Variants in MCM10 observed in about 807,000 individuals in gnomAD.
MCM10 encodes the protein protein MCM10 homolog.
MCM10 carries 91 observed loss-of-function variants against 109.9 expected under a neutral mutation model. That is an observed-to-expected ratio of 0.83 (90% CI 0.70 to 0.99). The LOEUF (loss-of-function observed/expected upper bound fraction) is 0.99. Ranked by LOEUF, MCM10 falls within the 50% of genes least tolerant of loss-of-function variation. The pLI, the probability that MCM10 is intolerant of heterozygous loss-of-function variation, is 0.00. For synonymous variants in MCM10, 380 were observed against 387.2 expected (o/e 0.98, Z 0.22); for missense variants, 1,077 against 1,061.2 (o/e 1.01, Z -0.21).
Position 13,197,745 on chromosome 10 carries a change from A to G in MCM10, c.2097A>G (p.Lys699=). The G allele has an allele frequency of 1.2e-6, 2 of 1,612,546 alleles. No individual in the cohort carries two copies. Among genetic ancestry groups the G allele is most frequent in the Non-Finnish European group, 1.7e-6 (2 of 1,179,656 alleles). Residue 699 remains lysine (K), a synonymous_variant, in exon 15 of 20, where the codon AAA becomes AAG. Coordinates refer to ENST00000378714, the MANE Select transcript of MCM10 (RefSeq NM_018518.5). ...DILEVKERVE[K]NTMFSSQAED... Reference sequence around the variant, plus strand: ...TGGAGGTGAAGGAACGTGTAGAAAAAAACACCATGTTTTCTTCTCAAGGTA... The same window carrying G: ...TGGAGGTGAAGGAACGTGTAGAAAAGAACACCATGTTTTCTTCTCAAGGTA...
chr10:13,208,620 T>C (rs1350514623), intron 18 of MCM10, among the ~76,000 whole-genome samples: 1 of 148,598 alleles, frequency 6.7e-6, no homozygotes, highest in African/African-American at 2.5e-5. Flanking sequence ...TTTTGGGTTA[T>C]AAAGAGAAAG....
At chr10:13,206,402 T>C (rs1333084866) in intron 18 of MCM10, among the ~76,000 whole-genome samples, 1 of 152,188 alleles carries the variant, frequency 6.6e-6, no homozygotes, top group Non-Finnish European at 1.5e-5. Flanking sequence ...ATAGTATCAC[T>C]GCCTTTTGGT....
intron 8 of MCM10, among the ~76,000 whole-genome samples, chr10:13,185,024 AC>A (rs1834256337): frequency 6.6e-6 from 1 of 152,170 alleles, no homozygotes; most frequent in African/African-American, 2.4e-5. Flanking sequence ...GCAGCTTTGC[AC>A]AAGCCTGCCT....
intron 6 of MCM10, among the ~76,000 whole-genome samples, chr10:13,180,232 C>G (rs549940935): frequency 6.7e-6 from 1 of 150,368 alleles, no homozygotes; most frequent in South Asian, 2.1e-4. Context: ...GCCTGGGCAA[C>G]AGAGTGAGAC....
chr10:13,186,035 T>C (rs1834270209), intron 8 of MCM10, 129 bp from the exon 9 acceptor site: 1 of 613,644 alleles, frequency 1.6e-6, no homozygotes, highest in Non-Finnish European at 3.0e-6. Context: ...GTGCTAGGAT[T>C]ATAGGTGTGA....
At chr10:13,163,353 T>A (rs1049665825) in intron 1 of MCM10, among the ~76,000 whole-genome samples, 2 of 152,110 alleles carry the variant, frequency 1.3e-5, no homozygotes, top group African/African-American at 2.4e-5. Context: ...GAAAAGAAAG[T>A]ACCATAATCA....
chr10:13,190,251 G>A (rs1021812820), intron 10 of MCM10, among the ~76,000 whole-genome samples: 1 of 152,156 alleles, frequency 6.6e-6, no homozygotes, highest in African/African-American at 2.4e-5. Flanking sequence ...TTAACAGTAA[G>A]CATGTTTTTG....
chr10:13,171,597 A>G (rs987785170), intron 3 of MCM10, among the ~76,000 whole-genome samples: 2 of 152,178 alleles, frequency 1.3e-5, no homozygotes, highest in Non-Finnish European at 2.9e-5. Context: ...CCACATATCT[A>G]TTTGAGCAGA....
Position 13,172,718 on chromosome 10 carries a change from T to C in MCM10, c.545T>C (p.Leu182Pro). ...TCTGCGGAGCTTGATGTCCCTGCGCTACCAAGAACCAAGAGGGTGGCTCGA... is the reference window on the plus strand; with the variant it reads ...TCTGCGGAGCTTGATGTCCCTGCGCCACCAAGAACCAAGAGGGTGGCTCGA... The part of the protein sequence containing the change: ...CFSAELDVPA[L>P]PRTKRVARTP... The change falls in exon 5 of 20, where the codon CTA becomes CCA. Residue 182 changes from leucine to proline, a missense_variant. Coordinates refer to ENST00000378714, the MANE Select transcript of MCM10 (RefSeq NM_018518.5). This position sits in a 1 kb window ranked among gnomAD's most constrained non-coding sequence, Gnocchi z 5.2. 7 of 1,614,150 alleles carry C rather than the reference T, an allele frequency of 4.3e-6. No individual in the cohort carries two copies. Among genetic ancestry groups the C allele is most frequent in the Non-Finnish European group, 5.1e-6 (6 of 1,180,018 alleles).
intron 8 of MCM10, among the ~76,000 whole-genome samples, 188 bp from the exon 9 acceptor site, chr10:13,185,976 A>G (rs1028529255): frequency 6.6e-6 from 1 of 152,122 alleles, no homozygotes; most frequent in Non-Finnish European, 1.5e-5. Context: ...TGCCTAGGCT[A>G]GTCTCAAACT....
At chr10:13,162,708 T>G (rs1833943388) in intron 1 of MCM10, among the ~76,000 whole-genome samples, 1 of 152,168 alleles carries the variant, frequency 6.6e-6, no homozygotes, top group Non-Finnish European at 1.5e-5. Flanking sequence ...CTCAGGAAGC[T>G]TACTGTCCAA....
intron 2 of MCM10, among the ~76,000 whole-genome samples, chr10:13,165,600 T>A (rs1315789902): frequency 6.6e-6 from 1 of 152,028 alleles, no homozygotes; most frequent in African/African-American, 2.4e-5. Context: ...TTAGGCTGGG[T>A]GCGGTGGCTC....
chr10:13,196,127 T>G (rs570777463), intron 14 of MCM10, among the ~76,000 whole-genome samples: 1 of 152,022 alleles, frequency 6.6e-6, no homozygotes, highest in East Asian at 1.9e-4. Context: ...CAAGCTGGTC[T>G]TGCACTCCTG....
chr10:13,201,552 C>T lies in MCM10; in HGVS notation c.2352+18C>T. ...GCAAGACGGTGGGTGAAGGTGGGGGCTGCAGCAACCCATGGGCCCTGTGTG... is the reference window on the plus strand; with the variant it reads ...GCAAGACGGTGGGTGAAGGTGGGGGTTGCAGCAACCCATGGGCCCTGTGTG... On this transcript the variant is annotated intron_variant, in intron 17 of 19. Transcript: ENST00000378714. 1 of 1,570,492 alleles carries T rather than the reference C, an allele frequency of 6.4e-7. No homozygotes were observed. The highest frequency in any genetic ancestry group is 8.7e-7 in the Non-Finnish European group (1 of 1,149,124).
intron 9 of MCM10, among the ~76,000 whole-genome samples, chr10:13,187,942 C>G (rs1490724618): frequency 6.6e-6 from 1 of 152,104 alleles, no homozygotes; most frequent in Non-Finnish European, 1.5e-5. Flanking sequence ...GCCAGGAGTT[C>G]AAGACCAGCC....
At chr10:13,168,042 G>A (rs1288928736) in intron 2 of MCM10, among the ~76,000 whole-genome samples, 4 of 152,190 alleles carry the variant, frequency 2.6e-5, no homozygotes, top group Admixed American at 2.6e-4. Flanking sequence ...ATTAGCCCTC[G>A]TTCTCTTGTG....
At chr10:13,166,650 ATACATAC>A (rs1208879599) in intron 2 of MCM10, among the ~76,000 whole-genome samples, 30 of 94,462 alleles carry the variant, frequency 3.2e-4, no homozygotes, top group Middle Eastern at 5.2e-3. Flanking sequence ...AAAAAAAAAA[ATACATAC>A]ATACATATAT....
Position 13,188,905 on chromosome 10 carries a change from C to A in MCM10, c.1240C>A (p.His414Asn), listed in dbSNP as rs756228575. The A allele has an allele frequency of 6.2e-7, 1 of 1,614,144 alleles. No individual in the cohort carries two copies. Among genetic ancestry groups the A allele is most frequent in the Non-Finnish European group, 8.5e-7 (1 of 1,180,006 alleles). The change falls in exon 10 of 20, where the codon CAT becomes AAT. Residue 414 changes from histidine to asparagine, a missense_variant. Physicochemically the swap from His to Asn is moderately conservative, Grantham distance 68. Coordinates refer to ENST00000378714, the MANE Select transcript of MCM10 (RefSeq NM_018518.5). ...NLRDCEYCQY[H>N]VQAQYKKLSA... ...GCGTGACTGTGAGTACTGTCAGTAC[C>A]ATGTCCAGGCTCAGTACAAGAAGCT...
chr10:13,208,049 C>A (rs187230494), intron 18 of MCM10, among the ~76,000 whole-genome samples: 548 of 152,286 alleles, frequency 3.6e-3, no homozygotes, highest in Middle Eastern at 0.014. Context: ...ATAGTGTTCA[C>A]ATCCCTTCTC....
Sources: gnomAD v4.1 joint callset for allele counts (sites outside exome capture counted in the v4.1 genomes callset) on GRCh38, gnomAD v4.1.1 for gene constraint, Gnocchi (gnomAD v3.1) non-coding constraint, MANE v1.5 for transcripts, NCBI Gene and HGNC (gene_info 2026-07-23, HGNC 2026-07-21) for gene names.